DSG4: variants seen among roughly 807,000 people sequenced by gnomAD.
The protein encoded by DSG4 is desmoglein-4.
DSG4 carries 87 observed loss-of-function variants against 93.1 expected under a neutral mutation model. The observed-to-expected ratio is 0.93, with a 90% CI of 0.79 to 1.12. The LOEUF (loss-of-function observed/expected upper bound fraction) is 1.12. DSG4 is among the 50% of genes most tolerant of loss of function. DSG4 has a pLI of 0.00. For synonymous variants in DSG4, 432 were observed against 452.9 expected, an observed-to-expected ratio of 0.95 and a Z score of 0.59; for missense variants, 1,373 against 1,285.7, an observed-to-expected ratio of 1.07 and a Z score of -1.04.
rs9958118 is a variant in DSG4 at position 31,406,935 on chromosome 18, G to A, written c.1933+562G>A. On this transcript the variant is annotated intron_variant, in intron 12 of 15. Transcript: ENST00000308128. The stretch of plus-strand genomic sequence containing the variant: ...TGGGACTACAGGCGCCCACCACCAC[G>A]ACTGGCTAATTTTTGTACTTTTAGT... Among the ~76,000 whole-genome samples, 1,473 of 151,974 alleles carry A rather than the reference G, an allele frequency of 9.7e-3. 25 individuals carry two copies. Among genetic ancestry groups the A allele is most frequent in the African/African-American group, 0.033 (1,378 of 41,432 alleles).
chr18:31,406,174 G>A lies in DSG4; in HGVS notation c.1734G>A (p.Leu578=). The change falls in exon 12 of 16, where the codon TTG becomes TTA. Residue 578 remains leucine (L), a synonymous_variant. Coordinates refer to ENST00000308128, the MANE Select transcript of DSG4 (RefSeq NM_177986.5). ...VKDSYNRACE[L]AQMVQLYACD... ...ACAGCTATAACAGAGCATGTGAATT[G>A]GCACAAATGGTGCAGTTATATGCCT... is the stretch of plus-strand genomic sequence containing the variant. 1.2e-6 allele frequency: 2 copies of A among 1,614,086 alleles called. No individual in the cohort carries two copies. Among genetic ancestry groups the A allele is most frequent in the Non-Finnish European group, 1.7e-6 (2 of 1,180,028 alleles).
At chr18:31,396,515 C>T (rs566229267) in intron 8 of DSG4, among the ~76,000 whole-genome samples, 72 of 151,894 alleles carry the variant, frequency 4.7e-4, no homozygotes, top group Non-Finnish European at 6.8e-4. Context: ...CCACCACACC[C>T]GGCTAATGTT....
intron 8 of DSG4, among the ~76,000 whole-genome samples, chr18:31,394,748 C>A (rs151083673): frequency 6.7e-6 from 1 of 150,118 alleles, no homozygotes; most frequent in Non-Finnish European, 1.5e-5. Context: ...AATAGAGGAA[C>A]AAGAGGTCAC....
At chr18:31,407,879 T>C (rs962515089) in intron 12 of DSG4, among the ~76,000 whole-genome samples, 1 of 152,198 alleles carries the variant, frequency 6.6e-6, no homozygotes, top group Non-Finnish European at 1.5e-5. Flanking sequence ...AAATTACTCA[T>C]ACTAGAGTCA....
At chr18:31,412,487 A>G (rs2144222314) in intron 15 of DSG4, among the ~76,000 whole-genome samples, 1 of 152,370 alleles carries the variant, frequency 6.6e-6, no homozygotes, top group Non-Finnish European at 1.5e-5. Context: ...ATAATTTATT[A>G]CACATTTTAA....
intron 12 of DSG4, 101 bp from the exon 13 acceptor site, chr18:31,409,351 T>C: frequency 6.4e-7 from 1 of 1,564,260 alleles, no homozygotes; most frequent in Non-Finnish European, 8.8e-7. Context: ...GTATTTTTGT[T>C]CTAAATATAC....
chr18:31,413,561 C>T lies in DSG4; in HGVS notation c.3089C>T (p.Thr1030Ile), dbSNP rs1260466357. 6.2e-7 allele frequency: 1 copy of T among 1,613,906 alleles called. No homozygotes were observed. Among genetic ancestry groups the T allele is most frequent in the Non-Finnish European group, 8.5e-7 (1 of 1,180,006 alleles). Reference sequence around the variant, plus strand: ...CCCATGACATCTCGACACAGAGTAACACGATACAGTAACATACATTACACC... The same window carrying T: ...CCCATGACATCTCGACACAGAGTAATACGATACAGTAACATACATTACACC... ...TSPMTSRHRV[T>I]RYSNIHYTQQ Residue 1030 changes from threonine (T) to isoleucine (I), a missense_variant, in exon 16 of 16, where the codon ACA (threonine) becomes ATA (isoleucine). By Grantham distance (89) the Thr-to-Ile change is moderately conservative (BLOSUM62 -1). Transcript: ENST00000308128.
At chr18:31,388,329 T>C (rs1191670327) in intron 3 of DSG4, 38 bp from the exon 4 acceptor site, 1 of 1,610,160 alleles carries the variant, frequency 6.2e-7, no homozygotes, top group South Asian at 1.1e-5. Context: ...CATTATCTGC[T>C]CTAAACTGGA....
intron 12 of DSG4, among the ~76,000 whole-genome samples, chr18:31,408,409 T>C (rs1268330223): frequency 1.3e-5 from 2 of 152,214 alleles, no homozygotes; most frequent in Non-Finnish European, 2.9e-5. Flanking sequence ...GTTTTAGTCC[T>C]TTTCCAGAAA....
chr18:31,381,902 C>A (rs889690259), intron 1 of DSG4, among the ~76,000 whole-genome samples: 1 of 151,232 alleles, frequency 6.6e-6, no homozygotes, highest in Non-Finnish European at 1.5e-5. Context: ...AACTCCTAAC[C>A]TCGTGATCTG....
At chr18:31,389,836 C>G (rs1158815800) in intron 5 of DSG4, among the ~76,000 whole-genome samples, 1 of 152,052 alleles carries the variant, frequency 6.6e-6, no homozygotes, top group Non-Finnish European at 1.5e-5. Context: ...TAGGATAGTC[C>G]TCCCATAGAG....
Position 31,411,381 on chromosome 18 carries a change from T to C in DSG4, c.2288T>C (p.Met763Thr), listed in dbSNP as rs2072488913. The change falls in exon 15 of 16, where the codon ATG (methionine) becomes ACG (threonine). Residue 763 changes from methionine (M) to threonine (T), a missense_variant. Met to Thr is a moderately conservative substitution (Grantham distance 81). Transcript: ENST00000308128. ...SGAARKRSST[M>T]GTLRDYADAD... ...GCCGCAAGGAAGAGGAGCTCTACCA[T>C]GGGAACCCTGCGGGACTACGCTGAC... The C allele has an allele frequency of 1.2e-6, 2 of 1,613,804 alleles. No homozygotes were observed. Among genetic ancestry groups the C allele is most frequent in the Non-Finnish European group, 1.7e-6 (2 of 1,180,004 alleles).
In DSG4 at chr18:31,392,238, T is replaced by A. The variant is rs1251794197; in HGVS notation, c.903T>A (p.Asp301Glu). 1 of 1,613,826 alleles carries A rather than the reference T, an allele frequency of 6.2e-7. No homozygotes were observed. ...QAIDLDEEGT[D>E]NWLAQYLILS... The stretch of plus-strand genomic sequence containing the variant: ...TTGATCTTGATGAAGAAGGCACTGA[T>A]AACTGGTTGGCTCAATATTTAATTC... Residue 301 changes from aspartate to glutamate, a missense_variant, in exon 8 of 16, where the codon GAT becomes GAA. Asp to Glu is a conservative substitution (Grantham distance 45, BLOSUM62 2). Transcript: ENST00000308128.
At chr18:31,395,515 A>C (rs569621715) in intron 8 of DSG4, among the ~76,000 whole-genome samples, 88 of 152,256 alleles carry the variant, frequency 5.8e-4, no homozygotes, top group Admixed American at 1.7e-3. Context: ...AGAGAACATA[A>C]GCGTAATTTT....
At chr18:31,377,072 G>A (rs2072085355) in intron 1 of DSG4, 113 bp downstream of exon 1, 7 of 1,172,450 alleles carry the variant, frequency 6.0e-6, no homozygotes, top group Middle Eastern at 3.9e-4. Flanking sequence ...TTCCTGCAAA[G>A]AGAGTTCTAG....
At position 31,399,382 on chromosome 18, in the gene DSG4, G is replaced by T. The variant is rs758497556; in HGVS notation, c.1116G>T (p.Val372=). The stretch of plus-strand genomic sequence containing the variant: ...AATTCCAAATGCACCCAACCCCTGT[G>T]AGAATTCAAGTTGTTGATGTGAGAG... The part of the protein sequence containing the change: ...ASQFQMHPTP[V]RIQVVDVREG... Residue 372 remains valine, a synonymous_variant, in exon 9 of 16, where the codon GTG becomes GTT. Transcript: ENST00000308128. 6.2e-7 allele frequency: 1 copy of T among 1,614,090 alleles called. No homozygotes were observed. Among genetic ancestry groups the T allele is most frequent in the East Asian group, 2.2e-5 (1 of 44,862 alleles).
intron 14 of DSG4, 121 bp downstream of exon 14, chr18:31,409,929 TA>T (rs913379683): frequency 8.7e-7 from 1 of 1,155,756 alleles, no homozygotes; most frequent in African/African-American, 1.5e-5. Flanking sequence ...ACAGTATAAT[TA>T]GAGGGAATGT....
intron 5 of DSG4, 21 bp from the exon 6 acceptor site, chr18:31,390,635 C>A: frequency 6.2e-7 from 1 of 1,612,966 alleles, no homozygotes; most frequent in Non-Finnish European, 8.5e-7. Flanking sequence ...AACCATTCTC[C>A]ACCTCCATTT....
At chr18:31,405,185 A>T (rs1013258585) in intron 11 of DSG4, among the ~76,000 whole-genome samples, 2 of 152,172 alleles carry the variant, frequency 1.3e-5, no homozygotes, top group African/African-American at 4.8e-5. Flanking sequence ...TTTAGCTGTA[A>T]ATTTAATCAT....
Sources: gnomAD v4.1 joint callset for allele counts (sites outside exome capture counted in the v4.1 genomes callset) on GRCh38, gnomAD v4.1.1 for gene constraint, MANE v1.5 for transcripts, NCBI Gene and HGNC (gene_info 2026-07-23, HGNC 2026-07-21) for gene names.